The following COL25A1 variants were observed in gnomAD, a reference collection of about 807,000 sequenced individuals.
The protein encoded by COL25A1 is collagen alpha-1(XXV) chain.
In COL25A1, 103 loss-of-function variants were observed where a neutral mutation model predicts 128.4. That is an observed-to-expected ratio of 0.80 (90% CI 0.68 to 0.94). The LOEUF (loss-of-function observed/expected upper bound fraction) is 0.94. Among genes scored for constraint, COL25A1 ranks in the 40% least tolerant of loss-of-function variants. The pLI is 0.00. For missense variants in COL25A1, 745 were observed against 840.0 expected, an observed-to-expected ratio of 0.89 and a Z score of 1.40; for synonymous variants, 279 against 277.2, an observed-to-expected ratio of 1.01 and a Z score of -0.06.
intron 3 of COL25A1, among the ~76,000 whole-genome samples, chr4:109,053,903 C>G (rs1025982839): frequency 2.6e-5 from 4 of 152,132 alleles, no homozygotes; most frequent in African/African-American, 7.2e-5. Flanking sequence ...GGATAAAAAG[C>G]AAAGGGATGG....
chr4:109,220,198 G>A lies in COL25A1; in HGVS notation c.367+80385C>T, dbSNP rs547798368. ...CTGTTTTCTGGAAGACATTTAGTAT[G>A]ATGTCAGCCATCTGAACTGTGGTTC... On this transcript the variant is annotated intron_variant, in intron 3 of 37. Transcript: ENST00000399132. 2.1e-3 allele frequency among the ~76,000 whole-genome samples: 318 copies of A among 152,280 alleles called. 1 individual carries two copies. The highest frequency in any genetic ancestry group is 7.2e-3 in the African/African-American group (301 of 41,570).
intron 15 of COL25A1, among the ~76,000 whole-genome samples, chr4:108,897,621 A>AGGG: frequency 6.6e-6 from 1 of 152,328 alleles, no homozygotes; most frequent in East Asian, 1.9e-4. Context: ...TGTGTAAAGC[A>AGGG]ACTAGGGCAG....
At position 109,211,764 on chromosome 4, in the gene COL25A1, T is replaced by C. The variant is rs561234406; in HGVS notation, c.367+88819A>G. Among the ~76,000 whole-genome samples, 54 of 152,276 alleles carry C rather than the reference T, an allele frequency of 3.5e-4. 1 individual carries two copies. The highest frequency in any genetic ancestry group is 1.3e-3 in the African/African-American group (52 of 41,566). The stretch of plus-strand genomic sequence containing the variant: ...TAATCTGGTTGTTTGTTTAACTGTT[T>C]AACCTCTTTCCAAACCCTAAGGAAC... On this transcript the variant is annotated intron_variant, in intron 3 of 37. Transcript: ENST00000399132.
intron 17 of COL25A1, 109 bp downstream of exon 17, chr4:108,889,592 A>G: frequency 1.1e-6 from 1 of 922,196 alleles, no homozygotes; most frequent in Non-Finnish European, 1.7e-6. Context: ...TAGGAGAATA[A>G]GAACAGAGTT....
chr4:109,088,298 G>A (rs1226315026), intron 3 of COL25A1, among the ~76,000 whole-genome samples: 5 of 152,152 alleles, frequency 3.3e-5, no homozygotes, highest in Admixed American at 1.3e-4. Flanking sequence ...CCACAGTGAG[G>A]AGCAGGTATG....
chr4:109,065,556 G>A (rs1182572103), intron 3 of COL25A1, among the ~76,000 whole-genome samples: 4 of 151,254 alleles, frequency 2.6e-5, no homozygotes, highest in African/African-American at 7.3e-5. Context: ...GTGTGTGTGT[G>A]TGTGTGTGTG....
intron 31 of COL25A1, among the ~76,000 whole-genome samples, chr4:108,840,983 TAA>T (rs1734375600): frequency 6.6e-6 from 1 of 152,192 alleles, no homozygotes; most frequent in African/African-American, 2.4e-5. Flanking sequence ...GATTAGAACA[TAA>T]GTCTTCATCA....
chr4:109,302,002 G>C lies in COL25A1; in HGVS notation c.18C>G (p.His6Gln). The C allele has an allele frequency of 6.3e-7, 1 of 1,597,488 alleles. No homozygotes were observed. The highest frequency in any genetic ancestry group is 8.5e-7 in the Non-Finnish European group (1 of 1,172,704). Residue 6 changes from histidine to glutamine, a missense_variant, in exon 2 of 38, where the codon CAC becomes CAG. Around this residue, in one of 3 missense-constraint regions of COL25A1, gnomAD observed 319 missense variants for 324.9 expected, o/e 0.98. Transcript: ENST00000399132. ...GCTCCCGGCCCCCTCCTTTCCCTGC[G>C]TGCTTCTTCAGCAGCATCGTGGCGG... MLLKKHAGKGGGREPR... is the reference protein window; with the variant it reads MLLKKQAGKGGGREPR...
intron 3 of COL25A1, among the ~76,000 whole-genome samples, chr4:109,273,865 A>G (rs2126267592): frequency 6.6e-6 from 1 of 152,346 alleles, no homozygotes; most frequent in African/African-American, 2.4e-5. Flanking sequence ...TAAATAAGAC[A>G]ATTAATATGA....
At chr4:109,183,825 C>T (rs898036033) in intron 3 of COL25A1, among the ~76,000 whole-genome samples, 3 of 151,540 alleles carry the variant, frequency 2.0e-5, no homozygotes, top group African/African-American at 7.3e-5. Context: ...ATCATGATTT[C>T]CAGTGTCCAA....
intron 3 of COL25A1, among the ~76,000 whole-genome samples, chr4:109,263,295 A>C (rs1781570599): frequency 6.6e-6 from 1 of 152,252 alleles, no homozygotes; most frequent in Non-Finnish European, 1.5e-5. Flanking sequence ...CCTTTCACTG[A>C]ATTCAGTACT....
chr4:109,044,671 C>T (rs954133453), intron 5 of COL25A1, among the ~76,000 whole-genome samples: 1 of 152,072 alleles, frequency 6.6e-6, no homozygotes, highest in Non-Finnish European at 1.5e-5. Flanking sequence ...AGGTTCTGTG[C>T]CAAGGATTGC....
intron 35 of COL25A1, among the ~76,000 whole-genome samples, chr4:108,822,693 T>G (rs1731923672): frequency 1.3e-5 from 2 of 152,332 alleles, no homozygotes; most frequent in Middle Eastern, 3.4e-3. Flanking sequence ...CTCAAAGCAC[T>G]GGGATTATAG....
At chr4:109,246,939 T>A (rs1209375491) in intron 3 of COL25A1, among the ~76,000 whole-genome samples, 4 of 152,140 alleles carry the variant, frequency 2.6e-5, no homozygotes, top group Non-Finnish European at 4.4e-5. Flanking sequence ...ATAGGAAACT[T>A]ACATCTGAAC....
intron 11 of COL25A1, among the ~76,000 whole-genome samples, chr4:108,933,409 G>C (rs1415257255): frequency 1.3e-5 from 2 of 152,154 alleles, no homozygotes; most frequent in Admixed American, 6.6e-5. Flanking sequence ...GCGAGAAGGA[G>C]AATGTTATGA....
At chr4:109,010,236 C>T in intron 6 of COL25A1, 122 bp downstream of exon 6, 2 of 770,984 alleles carry the variant, frequency 2.6e-6, no homozygotes, top group Non-Finnish European at 4.2e-6. Flanking sequence ...ATTTGGTCTA[C>T]TGTGTGGTGT....
At chr4:108,943,730 G>A (rs920676504) in intron 8 of COL25A1, among the ~76,000 whole-genome samples, 8 of 151,298 alleles carry the variant, frequency 5.3e-5, no homozygotes, top group Middle Eastern at 3.4e-3. Flanking sequence ...CCTCCCAGGC[G>A]TTATCAATTG....
chr4:109,005,795 CAG>C (rs1392982551), intron 6 of COL25A1, among the ~76,000 whole-genome samples: 3 of 152,102 alleles, frequency 2.0e-5, no homozygotes, highest in African/African-American at 7.2e-5. Flanking sequence ...CAAAAGAAGA[CAG>C]GGAGTGAAAG....
chr4:109,207,566 G>A lies in COL25A1; in HGVS notation c.367+93017C>T, dbSNP rs79802228. Reference sequence around the variant, plus strand: ...TCAAAATACTAATTTTCTAGTGCATGGTTTTCCCTCAAGCCAATGTTTTTA... The same window carrying A: ...TCAAAATACTAATTTTCTAGTGCATAGTTTTCCCTCAAGCCAATGTTTTTA... On this transcript the variant is annotated intron_variant, in intron 3 of 37. Coordinates refer to ENST00000399132, the MANE Select transcript of COL25A1 (RefSeq NM_198721.4). 8.0e-3 allele frequency among the ~76,000 whole-genome samples: 1,213 copies of A among 152,154 alleles called. 6 individuals carry two copies. Among genetic ancestry groups the A allele is most frequent in the Middle Eastern group, 0.038 (11 of 292 alleles).
Sources: allele counts gnomAD v4.1 joint callset (sites outside exome capture counted in the v4.1 genomes callset), GRCh38; gene constraint gnomAD v4.1.1; regional missense constraint gnomAD v4.1.1; transcripts MANE v1.5; gene names NCBI Gene and HGNC (gene_info 2026-07-23, HGNC 2026-07-21).